Variants in SLC10A7 observed in about 807,000 individuals in gnomAD.
SLC10A7 encodes sodium/bile acid cotransporter 7.
A neutral mutation model predicts 43.2 loss-of-function variants in SLC10A7; 29 were observed. The observed-to-expected ratio is 0.67, with a 90% confidence interval of 0.50 to 0.92. The LOEUF (loss-of-function observed/expected upper bound fraction) is 0.92, where lower values mean the gene tolerates loss of function less well. Among genes scored for constraint, SLC10A7 ranks in the 40% least tolerant of loss-of-function variants. The pLI is 0.00. For missense variants in SLC10A7, 295 were observed against 403.2 expected, an observed-to-expected ratio of 0.73 and a Z score of 2.30; for synonymous variants, 152 against 144.8, an observed-to-expected ratio of 1.05 and a Z score of -0.35.
chr4:146,464,216 A>T (rs897624891), intron 4 of SLC10A7, among the ~76,000 whole-genome samples: 27 of 152,192 alleles, frequency 1.8e-4, no homozygotes, highest in Non-Finnish European at 1.0e-4. Flanking sequence ...TAAACAGTCT[A>T]TAAGAAGAAT....
chr4:146,499,103 T>A (rs1485850312), intron 4 of SLC10A7, among the ~76,000 whole-genome samples: 1 of 152,128 alleles, frequency 6.6e-6, no homozygotes, highest in Non-Finnish European at 1.5e-5. Flanking sequence ...ATATTAAACA[T>A]GTATATATTA....
intron 4 of SLC10A7, among the ~76,000 whole-genome samples, chr4:146,470,442 A>G (rs1337599153): frequency 6.6e-6 from 1 of 151,898 alleles, no homozygotes; most frequent in Non-Finnish European, 1.5e-5. Flanking sequence ...CCATGTATAC[A>G]TAACTAAATG....
intron 5 of SLC10A7, among the ~76,000 whole-genome samples, chr4:146,431,745 T>C (rs1422108112): frequency 6.6e-6 from 1 of 151,990 alleles, no homozygotes; most frequent in East Asian, 1.9e-4. Context: ...ATTTCTTATA[T>C]AGGATACAAA....
At chr4:146,351,631 G>C (rs1451034726) in intron 5 of SLC10A7, among the ~76,000 whole-genome samples, 1 of 152,102 alleles carries the variant, frequency 6.6e-6, no homozygotes, top group African/African-American at 2.4e-5. Flanking sequence ...AGGGCAGCCA[G>C]AGAGGAAGGT....
At chr4:146,326,929 C>CACAT (rs1560801263) in intron 5 of SLC10A7, among the ~76,000 whole-genome samples, 22 of 80,510 alleles carry the variant, frequency 2.7e-4, no homozygotes, top group African/African-American at 1.4e-3. Flanking sequence ...CACACACACA[C>CACAT]ACACACACAC....
At chr4:146,437,293 G>C (rs929288271) in intron 5 of SLC10A7, among the ~76,000 whole-genome samples, 1 of 152,022 alleles carries the variant, frequency 6.6e-6, no homozygotes. Context: ...TGCATAGCAC[G>C]ATGATGGGTT....
intron 4 of SLC10A7, among the ~76,000 whole-genome samples, chr4:146,470,086 C>T (rs867601093): frequency 2.4e-4 from 36 of 152,142 alleles, no homozygotes; most frequent in African/African-American, 8.4e-4. Context: ...TGTATAAATA[C>T]GTTCTGACAA....
rs75447511 is a variant in SLC10A7, at chr4:146,344,341, T to G, written c.436-18345A>C. Among the ~76,000 whole-genome samples, 175 of 152,154 alleles carry G rather than the reference T, an allele frequency of 1.2e-3. 1 individual carries two copies. In the East Asian group the frequency reaches 0.02, roughly 17 times the overall value. ...TACCAACACTACAAATCATTTGGAA[T>G]TTTTAGAGGGTTTAATTGGTTCAAA... On this transcript the variant is annotated intron_variant, in intron 5 of 11. Transcript: ENST00000335472.
intron 5 of SLC10A7, among the ~76,000 whole-genome samples, chr4:146,430,662 A>G (rs746249099): frequency 2.6e-5 from 4 of 152,196 alleles, no homozygotes; most frequent in Non-Finnish European, 5.9e-5. Flanking sequence ...AAAGCTACTC[A>G]GGAAAAGTAA....
chr4:146,521,605 G>A lies in SLC10A7; in HGVS notation c.100+13C>T. ...GGGAGCCGCGGTGGAGCCGGCAGAG[G>A]TGCAGCACTTACCCCCATTCACCCC... On this transcript the variant is annotated intron_variant, in intron 1 of 11. Coordinates refer to ENST00000335472, the MANE Select transcript of SLC10A7 (RefSeq NM_001029998.6). 6 of 1,608,322 alleles carry A rather than the reference G, an allele frequency of 3.7e-6. No homozygotes were observed. The highest frequency in any genetic ancestry group is 3.3e-5 in the South Asian group (3 of 90,900).
intron 6 of SLC10A7, among the ~76,000 whole-genome samples, chr4:146,312,867 C>T (rs1022277729): frequency 9.2e-5 from 14 of 151,990 alleles, no homozygotes; most frequent in African/African-American, 1.2e-4. Flanking sequence ...CAAAATGAAC[C>T]GTAAATTGGC....
At chr4:146,317,056 A>G (rs1732374993) in intron 6 of SLC10A7, among the ~76,000 whole-genome samples, 1 of 152,120 alleles carries the variant, frequency 6.6e-6, no homozygotes, top group Admixed American at 6.6e-5. Flanking sequence ...TGCCAATTAA[A>G]CCAGAATTTT....
At chr4:146,305,565 AAAGTAT>A (rs1447425124) in intron 7 of SLC10A7, among the ~76,000 whole-genome samples, 3 of 132,960 alleles carry the variant, frequency 2.3e-5, no homozygotes, top group Non-Finnish European at 4.7e-5. Flanking sequence ...CCTAAAACTT[AAAGTAT>A]AATAATAAAA....
chr4:146,322,768 C>T (rs1034119566), intron 6 of SLC10A7, among the ~76,000 whole-genome samples: 6 of 152,130 alleles, frequency 3.9e-5, no homozygotes, highest in Non-Finnish European at 8.8e-5. Context: ...AATGGTATTT[C>T]TAGTTCTAGA....
At chr4:146,433,562 T>C (rs1239596710) in intron 5 of SLC10A7, among the ~76,000 whole-genome samples, 1 of 152,088 alleles carries the variant, frequency 6.6e-6, no homozygotes, top group African/African-American at 2.4e-5. Flanking sequence ...TTCTATATAC[T>C]CTTGTAAGAT....
intron 5 of SLC10A7, among the ~76,000 whole-genome samples, chr4:146,335,006 G>A (rs1733780055): frequency 1.3e-5 from 2 of 151,796 alleles, no homozygotes; most frequent in African/African-American, 4.8e-5. Flanking sequence ...ATGACAAGTC[G>A]GCCTGCCACA....
At chr4:146,358,179 C>T (rs1484643493) in intron 5 of SLC10A7, among the ~76,000 whole-genome samples, 5 of 151,956 alleles carry the variant, frequency 3.3e-5, no homozygotes, top group Non-Finnish European at 7.4e-5. Context: ...TTCTCTAATC[C>T]CTCTTTCCCC....
intron 7 of SLC10A7, among the ~76,000 whole-genome samples, chr4:146,299,271 T>C (rs148774637): frequency 5.3e-5 from 8 of 152,316 alleles, no homozygotes; most frequent in African/African-American, 1.9e-4. Flanking sequence ...CTAGCACATA[T>C]GTGTACGGCT....
intron 6 of SLC10A7, among the ~76,000 whole-genome samples, chr4:146,318,971 A>G (rs1732509927): frequency 6.6e-6 from 1 of 152,056 alleles, no homozygotes; most frequent in Non-Finnish European, 1.5e-5. Flanking sequence ...ATCACTTGCC[A>G]TAATATCATT....
Sources: gnomAD v4.1 joint callset for allele counts (sites outside exome capture counted in the v4.1 genomes callset) on GRCh38, gnomAD v4.1.1 for gene constraint, MANE v1.5 for transcripts, NCBI Gene and HGNC (gene_info 2026-07-23, HGNC 2026-07-21) for gene names.